Variants in KIRREL3 observed in about 807,000 individuals in gnomAD.
The protein encoded by KIRREL3 is kin of IRRE-like protein 3.
KIRREL3 carries 36 observed loss-of-function variants against 89.7 expected under a neutral mutation model. That is an observed-to-expected ratio of 0.40 (90% CI 0.31 to 0.53). The LOEUF (loss-of-function observed/expected upper bound fraction) is 0.53. Ranked by LOEUF, KIRREL3 falls within the 20% of genes least tolerant of loss-of-function variation. The pLI is 0.49. For synonymous variants in KIRREL3, 445 were observed against 441.4 expected (o/e 1.01, Z -0.10); for missense variants, 864 against 1,056.6 (o/e 0.82, Z 2.53).
At position 126,940,246 on chromosome 11, in the gene KIRREL3, A is replaced by G. The variant is rs978716779; in HGVS notation, c.55+60209T>C. Among the ~76,000 whole-genome samples the G allele has an allele frequency of 2.6e-5, 4 of 152,246 alleles. No homozygotes were observed. The highest frequency in any genetic ancestry group is 9.6e-5 in the African/African-American group (4 of 41,470). On this transcript the variant is annotated intron_variant, in intron 1 of 16. Transcript: ENST00000525144. The surrounding 1 kb of genome is among the most constrained non-coding windows in gnomAD (Gnocchi z 4.6). ...TCATCAAAAGCATCATAACTCATTT[A>G]ACATTGAGCCTATATCTTTTTAAAT...
chr11:126,471,695 C>G lies in KIRREL3; in HGVS notation c.591+1614G>C, dbSNP rs1257173157. 1.3e-5 allele frequency among the ~76,000 whole-genome samples: 2 copies of G among 151,686 alleles called. No individual in the cohort carries two copies. The highest frequency in any genetic ancestry group is 3.9e-4 in the East Asian group (2 of 5,158). On this transcript the variant is annotated intron_variant, in intron 5 of 16. Transcript: ENST00000525144. The surrounding 1 kb of genome is among the most constrained non-coding windows in gnomAD (Gnocchi z 5.4). ...GGGTATAATGTCCTGGACTATGGAG[C>G]CTGATGAAAAAAGGCTGTGGGGGCC...
chr11:126,789,405 C>T (rs1282725156), intron 1 of KIRREL3, among the ~76,000 whole-genome samples: 3 of 152,098 alleles, frequency 2.0e-5, no homozygotes, highest in East Asian at 3.9e-4. Context: ...TTCAATTATC[C>T]TTCACTCCTG....
At position 126,647,366 on chromosome 11, in the gene KIRREL3, A is replaced by G. The variant is rs559932601; in HGVS notation, c.56-84454T>C. Among the ~76,000 whole-genome samples, 1 of 152,186 alleles carries G rather than the reference A, an allele frequency of 6.6e-6. No homozygotes were observed. Among genetic ancestry groups the G allele is most frequent in the Non-Finnish European group, 1.5e-5 (1 of 68,034 alleles). ...AATATTTAATGAGTTTCTGCTAGGTAAGGAAACCCAGCCCCAGGAGGGAGA... is the reference window on the plus strand; with the variant it reads ...AATATTTAATGAGTTTCTGCTAGGTGAGGAAACCCAGCCCCAGGAGGGAGA... On this transcript the variant is annotated intron_variant, in intron 1 of 16. Transcript: ENST00000525144. The surrounding 1 kb of genome is among the most constrained non-coding windows in gnomAD (Gnocchi z 4.9).
rs1944981027 is a variant in KIRREL3 at position 126,653,300 on chromosome 11, G to A, written c.56-90388C>T. Among the ~76,000 whole-genome samples, 1 of 152,198 alleles carries A rather than the reference G, an allele frequency of 6.6e-6. No individual in the cohort carries two copies. The highest frequency in any genetic ancestry group is 2.4e-5 in the African/African-American group (1 of 41,446). On this transcript the variant is annotated intron_variant, in intron 1 of 16. Coordinates refer to ENST00000525144, the MANE Select transcript of KIRREL3 (RefSeq NM_032531.4). This position sits in a 1 kb window ranked among gnomAD's most constrained non-coding sequence, Gnocchi z 5.4. ...GGAACGACTGACTTGCTCAGTGAAG[G>A]ATGGGCAGACTTGGGGTGGCAGAAG...
At chr11:126,951,823 C>G (rs1948780805) in intron 1 of KIRREL3, among the ~76,000 whole-genome samples, 1 of 152,124 alleles carries the variant, frequency 6.6e-6, no homozygotes, top group Non-Finnish European at 1.5e-5. Flanking sequence ...TCCAACTAGT[C>G]CTGCAAAGAG....
intron 1 of KIRREL3, among the ~76,000 whole-genome samples, chr11:126,671,823 G>C (rs918855733): frequency 3.3e-5 from 5 of 152,182 alleles, no homozygotes; most frequent in African/African-American, 1.2e-4. Flanking sequence ...CATTGCTGCT[G>C]GGAATGCAAA....
At chr11:126,779,820 C>T (rs1950273099) in intron 1 of KIRREL3, among the ~76,000 whole-genome samples, 1 of 152,108 alleles carries the variant, frequency 6.6e-6, no homozygotes, top group African/African-American at 2.4e-5. Context: ...AGTGGTGTTC[C>T]AGTTTCCATG....
At chr11:126,584,487 T>A (rs1270217095) in intron 1 of KIRREL3, among the ~76,000 whole-genome samples, 1 of 152,148 alleles carries the variant, frequency 6.6e-6, no homozygotes, top group African/African-American at 2.4e-5. Context: ...GTCTGAAAAC[T>A]CATTTTTGTC....
In KIRREL3 at chr11:126,978,847, T is replaced by A. The variant is rs1361700650; in HGVS notation, c.55+21608A>T. Reference sequence around the variant, plus strand: ...CCCTACCTCTCTGCACCCGGGATGCTTATTCTCTTACCTGGCTTCCCTGTT... The same window carrying A: ...CCCTACCTCTCTGCACCCGGGATGCATATTCTCTTACCTGGCTTCCCTGTT... On this transcript the variant is annotated intron_variant, in intron 1 of 16. Transcript: ENST00000525144. The surrounding 1 kb of genome is among the most constrained non-coding windows in gnomAD (Gnocchi z 4.2). 6.6e-6 allele frequency among the ~76,000 whole-genome samples: 1 copy of A among 152,206 alleles called. No homozygotes were observed. The highest frequency in any genetic ancestry group is 1.5e-5 in the Non-Finnish European group (1 of 68,040).
rs907925127 is a variant in KIRREL3 at position 126,708,378 on chromosome 11, T to C, written c.56-145466A>G. 1.3e-5 allele frequency among the ~76,000 whole-genome samples: 2 copies of C among 152,214 alleles called. No homozygotes were observed. Among genetic ancestry groups the C allele is most frequent in the Non-Finnish European group, 2.9e-5 (2 of 68,038 alleles). Reference sequence around the variant, plus strand: ...AAAGTGCTCCTGCTTAGGAATTCTATTTGTTTTTCTCTTGGAAAATGGGGA... The same window carrying C: ...AAAGTGCTCCTGCTTAGGAATTCTACTTGTTTTTCTCTTGGAAAATGGGGA... On this transcript the variant is annotated intron_variant, in intron 1 of 16. Coordinates refer to ENST00000525144, the MANE Select transcript of KIRREL3 (RefSeq NM_032531.4). The surrounding 1 kb of genome is among the most constrained non-coding windows in gnomAD (Gnocchi z 5.7).
chr11:126,749,937 G>A (rs930474193), intron 1 of KIRREL3, among the ~76,000 whole-genome samples: 3 of 152,102 alleles, frequency 2.0e-5, no homozygotes, highest in Non-Finnish European at 4.4e-5. Flanking sequence ...ACCAGTGCGC[G>A]TTTTGATGCC....
rs1252138658 is a variant in KIRREL3 at position 126,610,085 on chromosome 11, T to G, written c.56-47173A>C. Among the ~76,000 whole-genome samples, 1 of 152,114 alleles carries G rather than the reference T, an allele frequency of 6.6e-6. No individual in the cohort carries two copies. Among genetic ancestry groups the G allele is most frequent in the African/African-American group, 2.4e-5 (1 of 41,424 alleles). On this transcript the variant is annotated intron_variant, in intron 1 of 16. Transcript: ENST00000525144. This position sits in a 1 kb window ranked among gnomAD's most constrained non-coding sequence, Gnocchi z 4.6. ...TTAGGCCTGACCTGACTCCAAAATC[T>G]GTGCTGTTAACTTTTTTTTTTTTGA...
rs895152810 is a variant in KIRREL3, at chr11:126,953,133, C to T, written c.55+47322G>A. ...ATAAAGAAAATGTGGCACATATACA[C>T]CATGGAATTCTATGCAGCCATAAAA... On this transcript the variant is annotated intron_variant, in intron 1 of 16. Coordinates refer to ENST00000525144, the MANE Select transcript of KIRREL3 (RefSeq NM_032531.4). This position sits in a 1 kb window ranked among gnomAD's most constrained non-coding sequence, Gnocchi z 5.2. 6.6e-6 allele frequency among the ~76,000 whole-genome samples: 1 copy of T among 152,190 alleles called. No individual in the cohort carries two copies. The highest frequency in any genetic ancestry group is 2.4e-5 in the African/African-American group (1 of 41,436).
chr11:126,930,466 C>T (rs897874229), intron 1 of KIRREL3, among the ~76,000 whole-genome samples: 1 of 152,178 alleles, frequency 6.6e-6, no homozygotes, highest in Non-Finnish European at 1.5e-5. Context: ...TGCCCTACTG[C>T]GGAGGTAGCT....
rs754296989 is a variant in KIRREL3 at position 126,708,001 on chromosome 11, G to C, written c.56-145089C>G. On this transcript the variant is annotated intron_variant, in intron 1 of 16. Coordinates refer to ENST00000525144, the MANE Select transcript of KIRREL3 (RefSeq NM_032531.4). This position sits in a 1 kb window ranked among gnomAD's most constrained non-coding sequence, Gnocchi z 5.7. The stretch of plus-strand genomic sequence containing the variant: ...TTACATGGGGTAGCGGGGTCAAGTC[G>C]GTGGAGGGTGAAACAGGCGATTGGC... Among the ~76,000 whole-genome samples the C allele has an allele frequency of 6.6e-6, 1 of 152,116 alleles. No individual in the cohort carries two copies. The highest frequency in any genetic ancestry group is 1.5e-5 in the Non-Finnish European group (1 of 68,016).
chr11:126,603,698 G>T (rs1468682577), intron 1 of KIRREL3, among the ~76,000 whole-genome samples: 4 of 152,254 alleles, frequency 2.6e-5, no homozygotes, highest in Admixed American at 6.5e-5. Context: ...GTTTCTCTGG[G>T]CCCTGCCTGG....
In KIRREL3 at chr11:126,430,845, G is replaced by T. The variant is rs553189993; in HGVS notation, c.1696+574C>A. 4.1e-5 allele frequency: 16 copies of T among 386,430 alleles called. No individual in the cohort carries two copies. Among genetic ancestry groups the T allele is most frequent in the South Asian group, 1.0e-4 (1 of 9,786 alleles). 23.9% of individuals were successfully genotyped at this position (386,430 alleles called of 1,614,324 possible). On this transcript the variant is annotated intron_variant, in intron 14 of 16. Transcript: ENST00000525144. The surrounding 1 kb of genome is among the most constrained non-coding windows in gnomAD (Gnocchi z 6.6). ...TCTCCATTGTCTTCACCTGTTCTCT[G>T]CCATCCAATCTCTCACACGTTATCT...
rs1555090094 is a variant in KIRREL3, at chr11:126,923,129, C to CTTCTCTTCTTCTTCT, written c.55+77325_55+77326insAGAAGAAGAAGAGAA. Among the ~76,000 whole-genome samples the CTTCTCTTCTTCTTCT allele has an allele frequency of 1.6e-4, 4 of 25,732 alleles. 1 individual carries two copies. Among genetic ancestry groups the CTTCTCTTCTTCTTCT allele is most frequent in the Non-Finnish European group, 1.6e-4 (2 of 12,876 alleles). 16.9% of individuals were successfully genotyped at this position (25,732 alleles called of 152,430 possible). A position where few individuals can be genotyped will look rare whatever the true frequency, so the allele number is the denominator to read the frequency against. On this transcript the variant is annotated intron_variant, in intron 1 of 16. Coordinates refer to ENST00000525144, the MANE Select transcript of KIRREL3 (RefSeq NM_032531.4). ...CCTTCTCCTTCTCCTTCTCCTTCTT[C>CTTCTCTTCTTCTTCT]TCTTCTTCTTCTTCTTCTTCTTCTT...
Position 126,684,047 on chromosome 11 carries a change from A to G in KIRREL3, c.56-121135T>C, listed in dbSNP as rs1420754610. Among the ~76,000 whole-genome samples the G allele has an allele frequency of 6.6e-6, 1 of 152,166 alleles. No individual in the cohort carries two copies. Among genetic ancestry groups the G allele is most frequent in the Non-Finnish European group, 1.5e-5 (1 of 68,026 alleles). On this transcript the variant is annotated intron_variant, in intron 1 of 16. Coordinates refer to ENST00000525144, the MANE Select transcript of KIRREL3 (RefSeq NM_032531.4). The surrounding 1 kb of genome is among the most constrained non-coding windows in gnomAD (Gnocchi z 4.2). Reference sequence around the variant, plus strand: ...CATACCGAAGGCAGCTTAGCATGGCACTGTCTGATCTGCTGACAGCCGCGA... The same window carrying G: ...CATACCGAAGGCAGCTTAGCATGGCGCTGTCTGATCTGCTGACAGCCGCGA...
Sources: allele counts gnomAD v4.1 joint callset (sites outside exome capture counted in the v4.1 genomes callset), GRCh38; gene constraint gnomAD v4.1.1; non-coding constraint Gnocchi (gnomAD v3.1); transcripts MANE v1.5; gene names NCBI Gene and HGNC (gene_info 2026-07-23, HGNC 2026-07-21).